Variants in ATP11C observed in about 807,000 individuals in gnomAD.
ATP11C encodes the protein ATPase phospholipid transporting 11C (ATP11C blood group).
Under a neutral mutation model 97.4 loss-of-function variants are expected in ATP11C, and 36 were observed. The ratio of observed to expected loss-of-function variants is 0.37; its 90% CI spans 0.28 to 0.49. ATP11C has a LOEUF of 0.49. ATP11C is among the 20% of genes least tolerant of loss of function. The pLI is 0.98. For missense variants in ATP11C, 730 were observed against 824.6 expected (o/e 0.89, Z 1.40); for synonymous variants, 275 against 290.9 (o/e 0.95, Z 0.56).
chrX:139,780,523 C>A (rs1490368430), intron 18 of ATP11C, among the ~76,000 whole-genome samples: 16 of 106,587 alleles, frequency 1.5e-4, no homozygotes, highest in Non-Finnish European at 2.9e-4. Flanking sequence ...AAAAAAAAAA[C>A]CCTGAGAACA....
intron 1 of ATP11C, among the ~76,000 whole-genome samples, chrX:139,860,501 TTCG>T (rs1202209491): frequency 4.5e-5 from 5 of 111,983 alleles, no homozygotes; most frequent in African/African-American, 1.3e-4. Context: ...TCATTTGAGG[TTCG>T]AAATGTGTTA....
intron 29 of ATP11C, among the ~76,000 whole-genome samples, chrX:139,730,195 G>A (rs2081313314): frequency 9.0e-6 from 1 of 111,649 alleles, no homozygotes; most frequent in South Asian, 3.7e-4. Context: ...GTTAGACATT[G>A]TAGGAGATAA....
At chrX:139,889,404 G>A (rs1364190163) in intron 1 of ATP11C, among the ~76,000 whole-genome samples, 3 of 111,739 alleles carry the variant, frequency 2.7e-5, no homozygotes, top group East Asian at 2.8e-4. Context: ...CGGTTGCCAG[G>A]GGTTGGCAGT....
intron 2 of ATP11C, among the ~76,000 whole-genome samples, chrX:139,822,560 T>TAC (rs760083084): frequency 1.8e-5 from 2 of 111,294 alleles, no homozygotes; most frequent in African/African-American, 6.5e-5. Context: ...ATTACAGGCA[T>TAC]ACGCCAACAC....
intron 4 of ATP11C, among the ~76,000 whole-genome samples, chrX:139,816,088 C>T (rs2083283473): frequency 9.0e-6 from 1 of 111,633 alleles, no homozygotes; most frequent in Admixed American, 9.5e-5. Flanking sequence ...TCTTATAGTT[C>T]CTGGTAGGCA....
chrX:139,908,633 T>C (rs2085020734), intron 1 of ATP11C, among the ~76,000 whole-genome samples: 1 of 112,488 alleles, frequency 8.9e-6, no homozygotes, highest in Non-Finnish European at 1.9e-5. Flanking sequence ...AAAGCATATG[T>C]AGCTCTCCAT....
chrX:139,800,843 T>C (rs1023173701), intron 7 of ATP11C, among the ~76,000 whole-genome samples: 5 of 112,210 alleles, frequency 4.5e-5, no homozygotes, highest in Admixed American at 2.8e-4. Flanking sequence ...AAACAGCATT[T>C]TCCCCAGAAA....
intron 1 of ATP11C, among the ~76,000 whole-genome samples, chrX:139,903,472 C>CACGTGGAGGT (rs1431928834): frequency 9.1e-6 from 1 of 109,754 alleles, no homozygotes; most frequent in African/African-American, 3.3e-5. Flanking sequence ...AGATAGCTGA[C>CACGTGGAGGT]ACGTGGAGGT....
intron 5 of ATP11C, 96 bp from the exon 6 acceptor site, chrX:139,804,695 A>T: frequency 7.5e-6 from 5 of 669,216 alleles, no homozygotes; most frequent in Non-Finnish European, 1.1e-5. Context: ...GATTATCTCT[A>T]GCTCTGGGGC....
intron 17 of ATP11C, 35 bp from the exon 18 acceptor site, chrX:139,782,763 A>G (rs1489168550): frequency 9.8e-7 from 1 of 1,016,669 alleles, no homozygotes. Context: ...AGTTATTCTA[A>G]TAATAGTTGG....
chrX:139,791,489 C>A (rs1044852161), intron 12 of ATP11C, among the ~76,000 whole-genome samples: 6 of 111,761 alleles, frequency 5.4e-5, no homozygotes, highest in African/African-American at 1.6e-4. Flanking sequence ...ATAAATTATA[C>A]CCAAATGCAG....
chrX:139,921,053 G>C (rs1324910001), intron 1 of ATP11C, among the ~76,000 whole-genome samples: 2 of 111,628 alleles, frequency 1.8e-5, no homozygotes, highest in Non-Finnish European at 3.8e-5. Flanking sequence ...TACTAGGAGG[G>C]GGATGGTGCC....
intron 1 of ATP11C, among the ~76,000 whole-genome samples, chrX:139,882,775 T>C (rs1216123403): frequency 4.5e-5 from 5 of 111,620 alleles, no homozygotes; most frequent in African/African-American, 1.6e-4. Context: ...CCTGTGTGTC[T>C]GTTTTTCAGA....
intron 1 of ATP11C, among the ~76,000 whole-genome samples, chrX:139,852,506 G>C (rs1030293720): frequency 1.3e-5 from 1 of 77,642 alleles, no homozygotes; most frequent in Non-Finnish European, 2.4e-5. Flanking sequence ...CTAGCTTAAA[G>C]GATCCTCACA....
Position 139,787,258 on chromosome X carries a change from TA to T in ATP11C, c.1521-15del, listed in dbSNP as rs1312889988. ...GTGAACCCGTACCTATCAAAAACAA[TA>T]AAAAAGACCTTGTGTATCTCTAAAG... On this transcript the variant is annotated splice_polypyrimidine_tract_variant and intron_variant, in intron 14 of 29. Transcript: ENST00000682941. 2.6e-6 allele frequency: 3 copies of T among 1,137,046 alleles called. No individual in the cohort carries two copies. Among genetic ancestry groups the T allele is most frequent in the Admixed American group, 2.6e-5 (1 of 38,957 alleles). The allele number at this position is 1,137,046 out of a possible 1,213,427, so 93.7% of individuals were successfully genotyped here. A position where few individuals can be genotyped will look rare whatever the true frequency, so the allele number is the denominator to read the frequency against.
At chrX:139,873,880 C>A (rs748454524) in intron 1 of ATP11C, among the ~76,000 whole-genome samples, 2 of 108,870 alleles carry the variant, frequency 1.8e-5, no homozygotes, top group East Asian at 5.7e-4. Context: ...GCCAACAACT[C>A]CATGCACCCG....
chrX:139,853,358 CAG>C (rs1259171485), intron 1 of ATP11C, among the ~76,000 whole-genome samples: 3 of 103,628 alleles, frequency 2.9e-5, no homozygotes, highest in Non-Finnish European at 3.9e-5. Context: ...AGGGGAAAGA[CAG>C]AGAGGGGAAG....
intron 1 of ATP11C, among the ~76,000 whole-genome samples, chrX:139,920,921 G>A (rs1269331025): frequency 9.0e-6 from 1 of 111,724 alleles, no homozygotes; most frequent in East Asian, 2.8e-4. Context: ...GTAGGTGTGG[G>A]CATGAAGAAA....
At chrX:139,757,339 C>T (rs1569437394) in intron 23 of ATP11C, among the ~76,000 whole-genome samples, 1 of 111,571 alleles carries the variant, frequency 9.0e-6, no homozygotes, top group African/African-American at 3.3e-5. Flanking sequence ...TAGCATATTC[C>T]TTATGTAATA....
Sources: gnomAD v4.1 joint callset for allele counts (sites outside exome capture counted in the v4.1 genomes callset) on GRCh38, gnomAD v4.1.1 for gene constraint, MANE v1.5 for transcripts, NCBI Gene and HGNC (gene_info 2026-07-23, HGNC 2026-07-21) for gene names.